ZIM2: variants seen among roughly 807,000 people sequenced by gnomAD.
The protein encoded by ZIM2 is zinc finger protein 656.
A neutral mutation model predicts 38.6 loss-of-function variants in ZIM2; 14 were observed. The ratio of observed to expected loss-of-function variants is 0.36; its 90% confidence interval spans 0.24 to 0.57. ZIM2 has a LOEUF of 0.57. ZIM2 is among the 20% of genes least tolerant of loss of function. ZIM2 has a pLI of 0.81. For missense variants in ZIM2, 680 were observed against 695.1 expected, an observed-to-expected ratio of 0.98 and a Z score of 0.24; for synonymous variants, 247 against 245.8, an observed-to-expected ratio of 1.00 and a Z score of -0.04.
intron 9 of ZIM2, chr19:56,811,330 T>C: frequency 7.8e-6 from 7 of 898,400 alleles, no homozygotes; most frequent in Non-Finnish European, 9.3e-6. Flanking sequence ...AAATGAACTG[T>C]TAAATGAACA....
chr19:56,823,658 G>A lies in ZIM2; in HGVS notation c.38C>T (p.Thr13Ile), dbSNP rs1406015897. The change falls in exon 5 of 13, where the codon ACC (threonine) becomes ATC (isoleucine). Residue 13 changes from threonine to isoleucine, a missense_variant. Coordinates refer to ENST00000629319, the MANE Select transcript of ZIM2 (RefSeq NM_001387356.1). ...GTTCCGGGTCATGTCGTCGTCGCTG[G>A]TCACGTCACTGTTGTTGTCGTCTAA... ...QPEDDNNSDVTSDDDMTRNRR... is the reference protein window; with the variant it reads ...QPEDDNNSDVISDDDMTRNRR... 1 of 1,614,088 alleles carries A rather than the reference G, an allele frequency of 6.2e-7. No homozygotes were observed. Among genetic ancestry groups the A allele is most frequent in the Admixed American group, 1.7e-5 (1 of 60,026 alleles).
chr19:56,830,738 C>A (rs192880493), intron 2 of ZIM2, among the ~76,000 whole-genome samples: 1 of 151,908 alleles, frequency 6.6e-6, no homozygotes, highest in African/African-American at 2.4e-5. Context: ...ACAAAGTTAC[C>A]TGCAACTTCA....
intron 9 of ZIM2, among the ~76,000 whole-genome samples, chr19:56,795,115 C>T (rs983935757): frequency 6.6e-6 from 1 of 151,942 alleles, no homozygotes; most frequent in East Asian, 2.0e-4. Flanking sequence ...AGTGCAGTGG[C>T]GCAATCTTGG....
chr19:56,778,769 G>A (rs1053436611), intron 12 of ZIM2, among the ~76,000 whole-genome samples: 2 of 152,116 alleles, frequency 1.3e-5, no homozygotes, highest in Non-Finnish European at 2.9e-5. Flanking sequence ...GGACAACAGT[G>A]ATCCAGCCGC....
At chr19:56,817,478 C>T (rs2060084928) in intron 9 of ZIM2, 3 of 1,613,296 alleles carry the variant, frequency 1.9e-6, no homozygotes, top group African/African-American at 1.3e-5. Context: ...CTGCGTGACA[C>T]ATCCTTGATG....
chr19:56,814,703 G>C lies in ZIM2; in HGVS notation c.490+3043C>G, dbSNP rs771399310. The C allele has an allele frequency of 1.2e-6, 2 of 1,614,010 alleles. No individual in the cohort carries two copies. Among genetic ancestry groups the C allele is most frequent in the Non-Finnish European group, 1.7e-6 (2 of 1,179,964 alleles). On this transcript the variant is annotated intron_variant, in intron 9 of 12. Coordinates refer to ENST00000629319, the MANE Select transcript of ZIM2 (RefSeq NM_001387356.1). This position sits in a 1 kb window ranked among gnomAD's most constrained non-coding sequence, Gnocchi z 5.8. ...TGCTCCAGTAAATCATCTTCCCTAT[G>C]AAGTCTCATATGCTCATTAAGGGCA...
At chr19:56,805,168 G>T (rs1389542253) in intron 9 of ZIM2, among the ~76,000 whole-genome samples, 4 of 152,180 alleles carry the variant, frequency 2.6e-5, no homozygotes, top group Non-Finnish European at 2.9e-5. Context: ...AGGGTATTGA[G>T]CAGCTTCCAC....
chr19:56,776,026 G>A (rs371109738), intron 12 of ZIM2, among the ~76,000 whole-genome samples: 35 of 151,370 alleles, frequency 2.3e-4, no homozygotes, highest in African/African-American at 8.3e-4. Context: ...GCTTGAACCC[G>A]GGAGGTGGAG....
chr19:56,796,126 G>A (rs1238413213), intron 9 of ZIM2, among the ~76,000 whole-genome samples: 1 of 151,996 alleles, frequency 6.6e-6, no homozygotes, highest in Non-Finnish European at 1.5e-5. Context: ...ATGTATATGT[G>A]TGTAAGGCTT....
chr19:56,801,727 G>A (rs950039858), intron 9 of ZIM2, among the ~76,000 whole-genome samples: 5 of 152,190 alleles, frequency 3.3e-5, no homozygotes, highest in Non-Finnish European at 5.9e-5. Flanking sequence ...TCCTATTGTA[G>A]CTCTCAGAGC....
At chr19:56,797,401 A>G (rs2047285775) in intron 9 of ZIM2, among the ~76,000 whole-genome samples, 1 of 152,192 alleles carries the variant, frequency 6.6e-6, no homozygotes, top group Admixed American at 6.5e-5. Flanking sequence ...TTTAAAGAAA[A>G]CCATCCTTAG....
intron 2 of ZIM2, among the ~76,000 whole-genome samples, chr19:56,828,316 T>C (rs2061257417): frequency 6.6e-6 from 1 of 152,228 alleles, no homozygotes; most frequent in Non-Finnish European, 1.5e-5. Context: ...ACTTATGATA[T>C]TGCAGTTGCA....
At position 56,782,100 on chromosome 19, in the gene ZIM2, C is replaced by G; in HGVS notation, c.592G>C (p.Gly198Arg). 6.2e-7 allele frequency: 1 copy of G among 1,613,830 alleles called. No homozygotes were observed. Among genetic ancestry groups the G allele is most frequent in the Non-Finnish European group, 8.5e-7 (1 of 1,179,810 alleles). Residue 198 changes from glycine (G) to arginine (R), a missense_variant, in exon 11 of 13, where the codon GGA becomes CGA. Transcript: ENST00000629319. ...GSQFPDFKHL[G>R]TFLVFEELVT... is the part of the protein sequence containing the mutation. ...AACTCCTCAAACACCAGAAATGTTC[C>G]TAAGTGTTTGAAGTCCGGGAACTAT... is the stretch of plus-strand genomic sequence containing the variant.
chr19:56,839,240 G>C, intron 1 of ZIM2, among the ~76,000 whole-genome samples: 1 of 149,018 alleles, frequency 6.7e-6, no homozygotes, highest in Admixed American at 6.7e-5. Flanking sequence ...CAGCACCTGC[G>C]CAGCAAACTC....
chr19:56,797,981 C>T (rs908812025), intron 9 of ZIM2: 30 of 152,172 alleles, frequency 2.0e-4, no homozygotes, highest in Non-Finnish European at 3.7e-4. Flanking sequence ...CCTTTCTTTT[C>T]TTCTCTGCCA....
At position 56,822,819 on chromosome 19, in the gene ZIM2, G is replaced by GGTCCCA; in HGVS notation, c.118_123dup (p.Trp40_Asp41dup). 6.2e-7 allele frequency: 1 copy of GGTCCCA among 1,613,856 alleles called. No individual in the cohort carries two copies. Among genetic ancestry groups the GGTCCCA allele is most frequent in the Non-Finnish European group, 8.5e-7 (1 of 1,179,918 alleles). Reference sequence around the variant, plus strand: ...TCCATGTCTCTGCTTCTGCCCCTCCGGTCCCAGTCCCGGTCACCTAAGCAG... The same window carrying GGTCCCA: ...TCCATGTCTCTGCTTCTGCCCCTCCGGTCCCAGTCCCAGTCCCGGTCACCTAAGCAG... On this transcript the variant is annotated inframe_insertion, in exon 6 of 13. Transcript: ENST00000629319.
At chr19:56,784,818 GATCCCTTGATACTATAAAAATAAAAA>G (rs1171778814) in intron 10 of ZIM2, among the ~76,000 whole-genome samples, 1 of 151,926 alleles carries the variant, frequency 6.6e-6, no homozygotes, top group Non-Finnish European at 1.5e-5. Context: ...AAACACATAA[GATCCCTTGATACTATAAAAATAAAAA>G]GGCAGATACC....
intron 2 of ZIM2, among the ~76,000 whole-genome samples, chr19:56,833,928 C>A (rs1601240945): frequency 6.6e-6 from 1 of 152,176 alleles, no homozygotes; most frequent in African/African-American, 2.4e-5. Context: ...CTTATTTCTA[C>A]CACATTAAGC....
At chr19:56,815,328 T>A in intron 9 of ZIM2, 1 of 1,614,188 alleles carries the variant, frequency 6.2e-7, no homozygotes, top group Non-Finnish European at 8.5e-7. Flanking sequence ...TAGCAAAAAA[T>A]TGTCTGAAGT....
Sources: allele counts gnomAD v4.1 joint callset (sites outside exome capture counted in the v4.1 genomes callset), GRCh38; gene constraint gnomAD v4.1.1; non-coding constraint Gnocchi (gnomAD v3.1); transcripts MANE v1.5; gene names NCBI Gene and HGNC (gene_info 2026-07-23, HGNC 2026-07-21).